Variants in IQSEC1 observed in about 807,000 individuals in gnomAD.
IQSEC1 encodes the protein IQ motif and Sec7 domain ArfGEF 1, also known as IQ motif and SEC7 domain-containing protein 1.
Under a neutral mutation model 91.0 loss-of-function variants are expected in IQSEC1, and 31 were observed. The observed-to-expected ratio is 0.34, with a 90% CI of 0.26 to 0.46. The LOEUF is 0.46. IQSEC1 is among the 20% of genes least tolerant of loss of function. The probability of loss-of-function intolerance (pLI) is 1.00; values close to 1 mark genes in which losing one functional copy is unlikely to be tolerated. For synonymous variants in IQSEC1, 699 were observed against 662.6 expected, an observed-to-expected ratio of 1.05 and a Z score of -0.84; for missense variants, 1,388 against 1,575.6, an observed-to-expected ratio of 0.88 and a Z score of 2.02.
chr3:13,223,561 A>C (rs2125078260), intron 1 of IQSEC1, among the ~76,000 whole-genome samples: 1 of 151,940 alleles, frequency 6.6e-6, no homozygotes. Flanking sequence ...GGTAGGTCCC[A>C]CCCTCCCAGC....
chr3:12,948,391 C>A lies in IQSEC1; in HGVS notation c.24-6526G>T, dbSNP rs117679874. Among the ~76,000 whole-genome samples, 260 of 152,340 alleles carry A rather than the reference C, an allele frequency of 1.7e-3. 3 individuals carry two copies. In the East Asian group the frequency reaches 0.045, roughly 26 times the overall value. On this transcript the variant is annotated intron_variant, in intron 1 of 13. Transcript: ENST00000613206. ...CCCACCTCCAGGCTGGAGAGCCTGA[C>A]CCCAGGGTGGAGGGAGACCTGGACC...
chr3:13,249,683 T>G (rs747868186), intron 1 of IQSEC1, among the ~76,000 whole-genome samples: 7 of 152,120 alleles, frequency 4.6e-5, no homozygotes, highest in Non-Finnish European at 8.8e-5. Flanking sequence ...TCTCTGGGTC[T>G]CGGTCTCCTC....
At position 13,160,642 on chromosome 3, in the gene IQSEC1, G is replaced by T. The variant is rs747986597; in HGVS notation, c.302+3462C>A. 2.4e-4 allele frequency among the ~76,000 whole-genome samples: 37 copies of T among 152,260 alleles called. 1 individual carries two copies. Among genetic ancestry groups the T allele is most frequent in the Admixed American group, 1.6e-3 (25 of 15,292 alleles). On this transcript the variant is annotated intron_variant, in intron 2 of 15. Coordinates refer to the IQSEC1 transcript ENST00000648114. ...CGGGGGCAGTCTCCACTGAGCATGG[G>T]AGTGGTCCATTTTTCCTCTTCCTTC...
intron 1 of IQSEC1, chr3:13,042,214 AG>A (rs1007895261): frequency 4.7e-4 from 71 of 152,410 alleles, no homozygotes; most frequent in African/African-American, 1.6e-3. Flanking sequence ...GCAATCGGGC[AG>A]GATCAGGGCG....
intron 1 of IQSEC1, among the ~76,000 whole-genome samples, chr3:13,247,222 G>A (rs75915584): frequency 1.3e-5 from 2 of 152,248 alleles, no homozygotes; most frequent in African/African-American, 4.8e-5. Flanking sequence ...CCTAATAGAT[G>A]TGCCTGCCCA....
At chr3:12,932,324 T>C (rs940670099) in intron 3 of IQSEC1, among the ~76,000 whole-genome samples, 1 of 151,932 alleles carries the variant, frequency 6.6e-6, no homozygotes, top group African/African-American at 2.4e-5. Flanking sequence ...AGTGAGGAGG[T>C]AGGGAGCCCA....
intron 1 of IQSEC1, among the ~76,000 whole-genome samples, chr3:13,261,088 T>G (rs961780573): frequency 6.6e-6 from 1 of 152,338 alleles, no homozygotes; most frequent in East Asian, 1.9e-4. Context: ...GACATGGCAC[T>G]TGATTTGTAT....
At chr3:13,062,456 C>A (rs1460931871) in intron 1 of IQSEC1, among the ~76,000 whole-genome samples, 4 of 152,192 alleles carry the variant, frequency 2.6e-5, no homozygotes, top group Non-Finnish European at 5.9e-5. Context: ...CACACAGACA[C>A]TGGGCAGCAC....
chr3:12,976,659 T>C lies in IQSEC1; in HGVS notation c.24-34794A>G, dbSNP rs114286173. Among the ~76,000 whole-genome samples the C allele has an allele frequency of 6.8e-3, 1,041 of 152,342 alleles. 16 individuals carry two copies. The highest frequency in any genetic ancestry group is 0.024 in the African/African-American group (983 of 41,568). On this transcript the variant is annotated intron_variant, in intron 1 of 13. Transcript: ENST00000613206. ...ATTCCCTTTAAAGCCCATCTCACAG[T>C]CCATCATTATCTGGCTTAATCACTT...
intron 1 of IQSEC1, among the ~76,000 whole-genome samples, chr3:12,973,054 C>T (rs993078740): frequency 9.2e-5 from 14 of 152,172 alleles, no homozygotes; most frequent in Non-Finnish European, 1.3e-4. Flanking sequence ...GAATTTGGGA[C>T]GTGCCATATC....
Position 12,911,696 on chromosome 3 carries a change from C to T in IQSEC1, c.2349G>A (p.Ser783=), listed in dbSNP as rs748976818. 1.4e-5 allele frequency: 23 copies of T among 1,613,356 alleles called. No homozygotes were observed. The highest frequency in any genetic ancestry group is 6.7e-5 in the Admixed American group (4 of 59,974). Residue 783 remains serine, a synonymous_variant, in exon 10 of 14, where the codon TCG becomes TCA. Coordinates refer to ENST00000613206, the MANE Select transcript of IQSEC1 (RefSeq NM_001134382.3). ...VTKIFQKKKN[S]VTYSFRQSFS... The stretch of plus-strand genomic sequence containing the variant: ...AGGACTGTCGGAAGCTGTACGTCAC[C>T]GAGTTCTTCTTCTTCTGGAAGATCT...
chr3:12,973,354 C>A (rs1700999652), intron 1 of IQSEC1, among the ~76,000 whole-genome samples: 1 of 152,224 alleles, frequency 6.6e-6, no homozygotes, highest in East Asian at 1.9e-4. Context: ...ATCTCTTATT[C>A]AACCTTCAAA....
At chr3:13,119,497 G>A (rs554424518) in intron 2 of IQSEC1, among the ~76,000 whole-genome samples, 1 of 152,392 alleles carries the variant, frequency 6.6e-6, no homozygotes, top group South Asian at 2.1e-4. Flanking sequence ...GCCATGCTTT[G>A]CAGTTTAATG....
At chr3:13,018,770 G>A (rs932749063) in intron 1 of IQSEC1, among the ~76,000 whole-genome samples, 1 of 152,208 alleles carries the variant, frequency 6.6e-6, no homozygotes, top group Admixed American at 6.5e-5. Context: ...TATACAAACA[G>A]CCAATGCCTC....
chr3:13,180,492 G>C (rs1253223607), intron 1 of IQSEC1, among the ~76,000 whole-genome samples: 2 of 152,090 alleles, frequency 1.3e-5, no homozygotes, highest in East Asian at 1.9e-4. Context: ...CTGTAAAACA[G>C]ACCAATCAAC....
At chr3:13,267,771 C>T (rs1010662387) in intron 1 of IQSEC1, among the ~76,000 whole-genome samples, 2 of 152,070 alleles carry the variant, frequency 1.3e-5, no homozygotes, top group Non-Finnish European at 2.9e-5. Context: ...GTGCCCACCA[C>T]CTCACCCGGC....
intron 2 of IQSEC1, among the ~76,000 whole-genome samples, chr3:12,938,545 A>T (rs1395489328): frequency 6.6e-6 from 1 of 152,176 alleles, no homozygotes; most frequent in African/African-American, 2.4e-5. Flanking sequence ...TCGCCCTGTT[A>T]CTGAACGCCA....
At chr3:12,966,397 G>C (rs898866963) in intron 1 of IQSEC1, among the ~76,000 whole-genome samples, 30 of 152,166 alleles carry the variant, frequency 2.0e-4, no homozygotes, top group African/African-American at 7.0e-4. Context: ...CCTCCAGAGG[G>C]GGCCTGACAT....
chr3:13,129,288 T>C (rs924280182), intron 2 of IQSEC1, among the ~76,000 whole-genome samples: 2 of 152,188 alleles, frequency 1.3e-5, no homozygotes, highest in Non-Finnish European at 1.5e-5. Flanking sequence ...AATACTCCAT[T>C]ATTATGCTTC....
Sources: gnomAD v4.1 joint callset for allele counts (sites outside exome capture counted in the v4.1 genomes callset) on GRCh38, gnomAD v4.1.1 for gene constraint, MANE v1.5 for transcripts, NCBI Gene and HGNC (gene_info 2026-07-23, HGNC 2026-07-21) for gene names.